The following FARS2 variants were observed in gnomAD, a reference collection of about 807,000 sequenced individuals.
The protein encoded by FARS2 is phenylalanine--tRNA ligase, mitochondrial.
A neutral mutation model predicts 46.4 loss-of-function variants in FARS2; 40 were observed. The ratio of observed to expected loss-of-function variants is 0.86; its 90% CI spans 0.67 to 1.12. FARS2 has a LOEUF of 1.12. Ranked by LOEUF, FARS2 falls within the 50% of genes most tolerant of loss-of-function variation. FARS2 has a pLI of 0.00. For missense variants in FARS2, 513 were observed against 567.9 expected (o/e 0.90, Z 0.98); for synonymous variants, 234 against 214.9 (o/e 1.09, Z -0.78).
chr6:5,752,260 C>T (rs1356940202), intron 6 of FARS2, among the ~76,000 whole-genome samples: 3 of 152,194 alleles, frequency 2.0e-5, no homozygotes, highest in Non-Finnish European at 2.9e-5. Context: ...AAATAAGGTT[C>T]TGGTGGATGT....
At chr6:5,497,537 A>G (rs1479352472) in intron 4 of FARS2, among the ~76,000 whole-genome samples, 2 of 152,246 alleles carry the variant, frequency 1.3e-5, no homozygotes, top group African/African-American at 4.8e-5. Context: ...TGTTGATTTC[A>G]TTAATAATAG....
At chr6:5,677,396 G>A (rs1029572116) in intron 6 of FARS2, among the ~76,000 whole-genome samples, 3 of 152,096 alleles carry the variant, frequency 2.0e-5, no homozygotes, top group African/African-American at 7.2e-5. Context: ...CCTCTGCCTC[G>A]CCCCTTCACA....
chr6:5,608,688 T>G (rs1433009641), intron 5 of FARS2, among the ~76,000 whole-genome samples: 1 of 152,150 alleles, frequency 6.6e-6, no homozygotes, highest in African/African-American at 2.4e-5. Flanking sequence ...GGTAATCCCT[T>G]TTAATGGTGA....
chr6:5,571,240 T>C (rs957561198), intron 5 of FARS2, among the ~76,000 whole-genome samples: 2 of 152,188 alleles, frequency 1.3e-5, no homozygotes, highest in African/African-American at 4.8e-5. Context: ...TGTAAAACTA[T>C]GCACGATGGG....
intron 5 of FARS2, among the ~76,000 whole-genome samples, chr6:5,577,737 C>T (rs886419853): frequency 3.9e-5 from 6 of 152,068 alleles, no homozygotes; most frequent in African/African-American, 1.4e-4. Flanking sequence ...CTAGCAGTAG[C>T]TTTGGAGTAA....
At chr6:5,671,972 A>G (rs76627072) in intron 6 of FARS2, among the ~76,000 whole-genome samples, 3 of 152,194 alleles carry the variant, frequency 2.0e-5, no homozygotes, top group African/African-American at 4.8e-5. Flanking sequence ...TGCGGAAGAC[A>G]TTGTCCTACT....
intron 4 of FARS2, among the ~76,000 whole-genome samples, chr6:5,539,727 A>G (rs1160081617): frequency 6.6e-6 from 1 of 152,188 alleles, no homozygotes; most frequent in African/African-American, 2.4e-5. Flanking sequence ...ATGTTAAGCC[A>G]TTCTGTATGG....
chr6:5,712,114 A>G (rs890361882), intron 6 of FARS2, among the ~76,000 whole-genome samples: 2 of 151,350 alleles, frequency 1.3e-5, no homozygotes, highest in Non-Finnish European at 2.9e-5. Context: ...GATTATTTTA[A>G]ATATTAAAAA....
chr6:5,461,717 T>C (rs1765254037), intron 4 of FARS2, among the ~76,000 whole-genome samples: 1 of 152,224 alleles, frequency 6.6e-6, no homozygotes, highest in Non-Finnish European at 1.5e-5. Context: ...GTGGCTTTTT[T>C]CACTTAGCAC....
intron 4 of FARS2, among the ~76,000 whole-genome samples, chr6:5,532,623 C>T (rs1170400079): frequency 3.9e-5 from 6 of 152,160 alleles, no homozygotes; most frequent in Non-Finnish European, 8.8e-5. Context: ...TGGTGATGGG[C>T]ACCTGTAATC....
intron 2 of FARS2, among the ~76,000 whole-genome samples, chr6:5,399,246 C>T (rs536710657): frequency 1.0e-3 from 156 of 150,814 alleles, no homozygotes; most frequent in East Asian, 3.9e-3. Context: ...ATGATGTAGG[C>T]GCACTGCAAT....
intron 2 of FARS2, among the ~76,000 whole-genome samples, chr6:5,389,744 G>T (rs1760370681): frequency 6.6e-6 from 1 of 152,200 alleles, no homozygotes; most frequent in Non-Finnish European, 1.5e-5. Context: ...ATGGAAAAAT[G>T]CCTGTAGTTT....
rs1350781254 is a variant in FARS2, at chr6:5,601,547, A to T, written c.1066-11622A>T. On this transcript the variant is annotated intron_variant, in intron 5 of 6. Coordinates refer to ENST00000274680, the MANE Select transcript of FARS2 (RefSeq NM_006567.5). ...CACAAAAAAAAAAAAAAAAAAAAAA[A>T]AAAAGACGAGAGTGGGGAGGCCTCA... is the stretch of plus-strand genomic sequence containing the variant. 4.2e-5 allele frequency among the ~76,000 whole-genome samples: 5 copies of T among 119,476 alleles called. No individual in the cohort carries two copies. In the East Asian group the frequency reaches 1.2e-3, roughly 29 times the overall value. The allele number at this position is 119,476 out of a possible 152,430, so 78.4% of individuals were successfully genotyped here. A position where few individuals can be genotyped will look rare whatever the true frequency, so the allele number is the denominator to read the frequency against.
chr6:5,568,231 A>G (rs189530634), intron 5 of FARS2, among the ~76,000 whole-genome samples: 2 of 152,194 alleles, frequency 1.3e-5, no homozygotes, highest in Admixed American at 6.5e-5. Context: ...TTCACGTTCA[A>G]CTGTCAACAT....
intron 6 of FARS2, among the ~76,000 whole-genome samples, chr6:5,754,596 T>G (rs924362474): frequency 2.0e-5 from 3 of 152,262 alleles, no homozygotes; most frequent in Non-Finnish European, 4.4e-5. Flanking sequence ...TTCTTAGGTC[T>G]TTCTTCAAAG....
chr6:5,634,712 T>C (rs1205903711), intron 6 of FARS2, among the ~76,000 whole-genome samples: 2 of 152,222 alleles, frequency 1.3e-5, no homozygotes, highest in Non-Finnish European at 2.9e-5. Flanking sequence ...AAGATAGCCT[T>C]ACTCTCATTT....
At chr6:5,456,134 G>A (rs893729950) in intron 4 of FARS2, among the ~76,000 whole-genome samples, 5 of 152,088 alleles carry the variant, frequency 3.3e-5, no homozygotes, top group African/African-American at 1.2e-4. Context: ...AGGATTGCTT[G>A]AGCCTGGAGG....
Position 5,755,782 on chromosome 6 carries a change from T to A in FARS2, c.1218-15509T>A, listed in dbSNP as rs538154256. 5.3e-5 allele frequency among the ~76,000 whole-genome samples: 8 copies of A among 152,332 alleles called. No individual in the cohort carries two copies. The South Asian group carries it at 1.5e-3, about 28-fold the overall frequency. ...CCAGCCTTTTCCTCAGTGCTGTTTCTGCATTTTCTTCTGCCAGGTCTTCAA... is the reference window on the plus strand; with the variant it reads ...CCAGCCTTTTCCTCAGTGCTGTTTCAGCATTTTCTTCTGCCAGGTCTTCAA... On this transcript the variant is annotated intron_variant, in intron 6 of 6. Transcript: ENST00000274680.
intron 6 of FARS2, among the ~76,000 whole-genome samples, chr6:5,676,863 A>C (rs1395771921): frequency 6.6e-6 from 1 of 152,202 alleles, no homozygotes; most frequent in Non-Finnish European, 1.5e-5. Flanking sequence ...TCTGCAATCA[A>C]TATAGACAGA....
Sources: gnomAD v4.1 joint callset for allele counts (sites outside exome capture counted in the v4.1 genomes callset) on GRCh38, gnomAD v4.1.1 for gene constraint, MANE v1.5 for transcripts, NCBI Gene and HGNC (gene_info 2026-07-23, HGNC 2026-07-21) for gene names.